The following RANBP2 variants were observed in gnomAD, a reference collection of about 807,000 sequenced individuals.
The protein encoded by RANBP2 is E3 SUMO-protein ligase RanBP2.
In RANBP2, 57 loss-of-function variants were observed where a neutral mutation model predicts 303.6. The observed-to-expected ratio is 0.19, with a 90% CI of 0.15 to 0.23. The LOEUF is 0.23. RANBP2 is among the 10% of genes least tolerant of loss of function. The pLI, the probability that RANBP2 is intolerant of heterozygous loss-of-function variation, is 1.00. For synonymous variants in RANBP2, 1,167 were observed against 1,301.5 expected (o/e 0.90, Z 2.23); for missense variants, 3,138 against 3,780.8 (o/e 0.83, Z 4.46).
At chr2:108,771,919 T>A in intron 21 of RANBP2, 48 bp downstream of exon 21, 1 of 1,609,064 alleles carries the variant, frequency 6.2e-7, no homozygotes, top group Non-Finnish European at 8.5e-7. Flanking sequence ...CTAATCTTAG[T>A]AAAATTGGGA....
At chr2:108,742,646 T>C (rs1696207139) in intron 7 of RANBP2, among the ~76,000 whole-genome samples, 2 of 152,154 alleles carry the variant, frequency 1.3e-5, no homozygotes, top group Non-Finnish European at 2.9e-5. Flanking sequence ...GTTCACATGT[T>C]AAGTGCTAAT....
the RANBP2 span, chr2:109,614,390 G>T: frequency 1.0e-6 from 1 of 956,740 alleles, no homozygotes; most frequent in Non-Finnish European, 1.3e-6. Flanking sequence ...AGCCCGCTGA[G>T]CCCGCCAGAC....
At chr2:109,063,577 A>G in the RANBP2 span, among the ~76,000 whole-genome samples, 2 of 152,176 alleles carry the variant, frequency 1.3e-5, no homozygotes, top group Non-Finnish European at 2.9e-5. Context: ...TTCTTGCTCA[A>G]TGGCTGTAGA....
chr2:109,392,532 C>T, the RANBP2 span, among the ~76,000 whole-genome samples: 6 of 151,756 alleles, frequency 4.0e-5, no homozygotes, highest in African/African-American at 7.3e-5. Context: ...TTTTTGGAGA[C>T]GGAGTCTCGC....
the RANBP2 span, chr2:109,543,224 A>C: frequency 6.6e-6 from 1 of 152,618 alleles, no homozygotes; most frequent in African/African-American, 2.4e-5. Flanking sequence ...ATTTTTAATA[A>C]AATGATTCAA....
the RANBP2 span, among the ~76,000 whole-genome samples, chr2:109,050,902 G>A: frequency 6.6e-6 from 1 of 152,034 alleles, no homozygotes; most frequent in East Asian, 1.9e-4. Flanking sequence ...ATATATAAAC[G>A]TATAATTACA....
chr2:109,323,084 G>A, the RANBP2 span, among the ~76,000 whole-genome samples: 4 of 152,320 alleles, frequency 2.6e-5, 1 homozygote, highest in South Asian at 8.3e-4. Context: ...CAGACTTTGT[G>A]GGGCTTCTGC....
At chr2:109,060,874 A>G in the RANBP2 span, among the ~76,000 whole-genome samples, 1 of 152,178 alleles carries the variant, frequency 6.6e-6, no homozygotes, top group Non-Finnish European at 1.5e-5. Flanking sequence ...ATATGTCTTC[A>G]TAGTTAATTT....
chr2:109,135,434 C>T, the RANBP2 span, among the ~76,000 whole-genome samples: 10 of 152,188 alleles, frequency 6.6e-5, no homozygotes, highest in African/African-American at 2.4e-4. Flanking sequence ...GACTTGTTAT[C>T]AGTGAATTAG....
chr2:108,846,906 A>G, the RANBP2 span: 7 of 1,608,544 alleles, frequency 4.4e-6, no homozygotes, highest in South Asian at 6.6e-5. Context: ...ATCAACCTTA[A>G]TTGTTCTCAA....
At chr2:109,117,521 TC>T in the RANBP2 span, among the ~76,000 whole-genome samples, 1 of 152,224 alleles carries the variant, frequency 6.6e-6, no homozygotes, top group African/African-American at 2.4e-5. Flanking sequence ...GACCCAATTT[TC>T]CAGGTGCCGT....
chr2:109,447,107 A>G, the RANBP2 span, among the ~76,000 whole-genome samples: 1 of 151,294 alleles, frequency 6.6e-6, no homozygotes, highest in Admixed American at 6.6e-5. Context: ...GTTAGGATCA[A>G]ATGTTTCAAG....
the RANBP2 span, among the ~76,000 whole-genome samples, chr2:109,506,736 G>A: frequency 9.2e-5 from 14 of 152,230 alleles, no homozygotes; most frequent in Non-Finnish European, 1.2e-4. Context: ...CAGGACTTCT[G>A]ACTTCCAATC....
the RANBP2 span, among the ~76,000 whole-genome samples, chr2:109,252,269 C>T: frequency 1.4e-5 from 2 of 141,216 alleles, no homozygotes; most frequent in African/African-American, 5.3e-5. Context: ...AAAAAAAAAA[C>T]TTTCAACATT....
the RANBP2 span, among the ~76,000 whole-genome samples, chr2:109,235,184 G>C: frequency 6.6e-6 from 1 of 152,150 alleles, no homozygotes; most frequent in Non-Finnish European, 1.5e-5. Flanking sequence ...AGAGCGGGAG[G>C]AACCTGTCTT....
chr2:109,137,926 T>A, the RANBP2 span, among the ~76,000 whole-genome samples: 1 of 152,260 alleles, frequency 6.6e-6, no homozygotes, highest in South Asian at 2.1e-4. Context: ...GCCAGCTAAA[T>A]CTCAGGCCAG....
At chr2:109,212,009 A>T in the RANBP2 span, among the ~76,000 whole-genome samples, 1 of 152,186 alleles carries the variant, frequency 6.6e-6, no homozygotes, top group Non-Finnish European at 1.5e-5. Context: ...TCAATAAATG[A>T]CTGATTGAGC....
the RANBP2 span, among the ~76,000 whole-genome samples, chr2:109,666,581 G>T: frequency 6.6e-6 from 1 of 152,118 alleles, no homozygotes; most frequent in Non-Finnish European, 1.5e-5. Flanking sequence ...TACAGTGTTT[G>T]CCCTTGTCTG....
chr2:109,517,235 C>T, the RANBP2 span, among the ~76,000 whole-genome samples: 2 of 152,278 alleles, frequency 1.3e-5, no homozygotes, highest in Non-Finnish European at 2.9e-5. Context: ...TTGCCAGCAT[C>T]GCCCGCCCCC....
Sources: gnomAD v4.1 joint callset for allele counts (sites outside exome capture counted in the v4.1 genomes callset) on GRCh38, gnomAD v4.1.1 for gene constraint, MANE v1.5 for transcripts, NCBI Gene and HGNC (gene_info 2026-07-23, HGNC 2026-07-21) for gene names.